KCNT2: variants seen among roughly 807,000 people sequenced by gnomAD.
The protein encoded by KCNT2 is potassium channel subfamily T member 2.
In KCNT2, 67 loss-of-function variants were observed where a neutral mutation model predicts 153.8. The ratio of observed to expected loss-of-function variants is 0.44; its 90% CI spans 0.36 to 0.53. KCNT2 has a LOEUF of 0.53. Ranked by LOEUF, KCNT2 falls within the 20% of genes least tolerant of loss-of-function variation. The pLI, the probability that KCNT2 is intolerant of heterozygous loss-of-function variation, is 0.00. For synonymous variants in KCNT2, 500 were observed against 458.8 expected, an observed-to-expected ratio of 1.09 and a Z score of -1.15; for missense variants, 975 against 1,354.8, an observed-to-expected ratio of 0.72 and a Z score of 4.40.
intron 22 of KCNT2, among the ~76,000 whole-genome samples, chr1:196,303,154 G>T (rs978205489): frequency 6.6e-6 from 1 of 152,074 alleles, no homozygotes; most frequent in African/African-American, 2.4e-5. Context: ...TGAGATGGAT[G>T]CAAATCTCTG....
chr1:196,470,927 T>A (rs1377265941), intron 5 of KCNT2, among the ~76,000 whole-genome samples: 1 of 144,640 alleles, frequency 6.9e-6, no homozygotes, highest in Non-Finnish European at 1.5e-5. Context: ...TCACCCAGGC[T>A]GGAGTGCAGT....
Position 196,482,396 on chromosome 1 carries a change from A to C in KCNT2, c.276-17T>G. The stretch of plus-strand genomic sequence containing the variant: ...ATATGAGACCTATAAAAAGAATAAT[A>C]ATAAGTTAGTTTTTTAAAATATGAA... On this transcript the variant is annotated splice_polypyrimidine_tract_variant and intron_variant, in intron 3 of 27. Coordinates refer to ENST00000294725, the MANE Select transcript of KCNT2 (RefSeq NM_198503.5). The C allele has an allele frequency of 7.1e-7, 1 of 1,408,248 alleles. No homozygotes were observed. The highest frequency in any genetic ancestry group is 9.7e-7 in the Non-Finnish European group (1 of 1,035,686). 87.2% of individuals were successfully genotyped at this position (1,408,248 alleles called of 1,614,324 possible). A position where few individuals can be genotyped will look rare whatever the true frequency, so the allele number is the denominator to read the frequency against.
intron 5 of KCNT2, among the ~76,000 whole-genome samples, chr1:196,475,301 T>C (rs1678432791): frequency 6.6e-6 from 1 of 152,186 alleles, no homozygotes; most frequent in African/African-American, 2.4e-5. Flanking sequence ...TCTGTGTGTC[T>C]GTATATTACT....
chr1:196,359,526 T>C (rs564411190), intron 14 of KCNT2, among the ~76,000 whole-genome samples: 21 of 152,160 alleles, frequency 1.4e-4, no homozygotes, highest in Non-Finnish European at 7.4e-5. Context: ...ATTTCATTTA[T>C]TTAACTAATA....
At chr1:196,587,378 G>C (rs1342522697) in intron 1 of KCNT2, among the ~76,000 whole-genome samples, 1 of 151,962 alleles carries the variant, frequency 6.6e-6, no homozygotes, top group Non-Finnish European at 1.5e-5. Context: ...CGCTGGAAGA[G>C]GGACCAAACT....
At chr1:196,329,471 CTGTTTGGAG>C (rs2148087917) in intron 18 of KCNT2, among the ~76,000 whole-genome samples, 1 of 152,110 alleles carries the variant, frequency 6.6e-6, no homozygotes, top group East Asian at 1.9e-4. Flanking sequence ...ATTGGGATCT[CTGTTTGGAG>C]ATAAATTATT....
chr1:196,467,813 G>A (rs759857688), intron 6 of KCNT2, 27 bp from the exon 7 acceptor site: 8 of 1,422,534 alleles, frequency 5.6e-6, no homozygotes, highest in Non-Finnish European at 6.9e-6. Flanking sequence ...AACAAAACTA[G>A]ACTTTTATCT....
chr1:196,342,420 C>CTATATATATATA (rs71154738), intron 14 of KCNT2, among the ~76,000 whole-genome samples, 192 bp from the exon 15 acceptor site: 18 of 132,754 alleles, frequency 1.4e-4, no homozygotes, highest in Admixed American at 1.1e-3. Flanking sequence ...ATTTTGAATA[C>CTATATATATATA]TATATATATA....
chr1:196,505,475 T>C (rs1681055030), intron 1 of KCNT2, among the ~76,000 whole-genome samples: 1 of 150,496 alleles, frequency 6.6e-6, no homozygotes, highest in South Asian at 2.1e-4. Flanking sequence ...CATGCTGTTT[T>C]GGTTACTGTA....
rs1653617989 is a variant in KCNT2 at position 196,227,934 on chromosome 1, C to G, written c.*290G>C. On this transcript the variant is annotated 3_prime_UTR_variant, in exon 28 of 28. Transcript: ENST00000294725. Reference sequence around the variant, plus strand: ...AAAACCTTAATAATTTTTAAAATTGCTTTCATAGAGTTTGGATTATTATAA... The same window carrying G: ...AAAACCTTAATAATTTTTAAAATTGGTTTCATAGAGTTTGGATTATTATAA... The G allele has an allele frequency of 4.6e-6, 1 of 217,028 alleles. No individual in the cohort carries two copies. The highest frequency in any genetic ancestry group is 2.3e-5 in the African/African-American group (1 of 43,424). The allele number at this position is 217,028 out of a possible 1,614,324, so 13.4% of individuals were successfully genotyped here. A position where few individuals can be genotyped will look rare whatever the true frequency, so the allele number is the denominator to read the frequency against.
chr1:196,546,434 C>T (rs1352228284), intron 1 of KCNT2, among the ~76,000 whole-genome samples: 1 of 152,014 alleles, frequency 6.6e-6, no homozygotes, highest in Non-Finnish European at 1.5e-5. Flanking sequence ...CTAGTGATAG[C>T]AGCCAGCAAT....
At chr1:196,551,736 T>A (rs2148898792) in intron 1 of KCNT2, among the ~76,000 whole-genome samples, 1 of 151,788 alleles carries the variant, frequency 6.6e-6, no homozygotes, top group Non-Finnish European at 1.5e-5. Context: ...TACAACTTAG[T>A]GTTACTCTGA....
chr1:196,541,015 G>A (rs1228151991), intron 1 of KCNT2, among the ~76,000 whole-genome samples: 2 of 151,874 alleles, frequency 1.3e-5, no homozygotes, highest in African/African-American at 2.4e-5. Flanking sequence ...GCAGTGAGCC[G>A]AGATCGCGCC....
intron 26 of KCNT2, among the ~76,000 whole-genome samples, chr1:196,252,877 T>A (rs1267795138): frequency 6.6e-6 from 1 of 151,520 alleles, no homozygotes; most frequent in South Asian, 2.1e-4. Context: ...AAGATGCCTT[T>A]CTATTTTTTT....
chr1:196,428,624 T>A (rs752020034), intron 9 of KCNT2, among the ~76,000 whole-genome samples: 1 of 152,048 alleles, frequency 6.6e-6, no homozygotes, highest in Admixed American at 6.6e-5. Context: ...CCATATCTCA[T>A]GCAATAGGAG....
intron 1 of KCNT2, among the ~76,000 whole-genome samples, chr1:196,588,679 T>C (rs764541351): frequency 1.2e-4 from 19 of 152,018 alleles, no homozygotes; most frequent in Admixed American, 7.9e-4. Flanking sequence ...CATAGTGTTT[T>C]CTAATCAGTC....
chr1:196,345,454 G>C (rs545834382), intron 14 of KCNT2, among the ~76,000 whole-genome samples: 1 of 152,244 alleles, frequency 6.6e-6, no homozygotes, highest in African/African-American at 2.4e-5. Flanking sequence ...TGGAATTCAG[G>C]GAGGGGGAGA....
chr1:196,374,151 T>C (rs1463943950), intron 13 of KCNT2, among the ~76,000 whole-genome samples: 1 of 151,864 alleles, frequency 6.6e-6, no homozygotes, highest in Non-Finnish European at 1.5e-5. Context: ...GTATTAAAAA[T>C]AAAGAGAAGG....
At chr1:196,475,741 T>C (rs1265831478) in intron 5 of KCNT2, among the ~76,000 whole-genome samples, 1 of 152,204 alleles carries the variant, frequency 6.6e-6, no homozygotes, top group Non-Finnish European at 1.5e-5. Flanking sequence ...AACACTCTGT[T>C]GAAGGGACCA....
Sources: allele counts gnomAD v4.1 joint callset (sites outside exome capture counted in the v4.1 genomes callset), GRCh38; gene constraint gnomAD v4.1.1; transcripts MANE v1.5; gene names NCBI Gene and HGNC (gene_info 2026-07-23, HGNC 2026-07-21).